WASL: variants seen among roughly 807,000 people sequenced by gnomAD.
The protein encoded by WASL is WASP like actin nucleation promoting factor.
In WASL, 20 loss-of-function variants were observed where a neutral mutation model predicts 55.5. The observed-to-expected ratio is 0.36, with a 90% CI of 0.25 to 0.52. The LOEUF (loss-of-function observed/expected upper bound fraction) is 0.52, where lower values mean the gene tolerates loss of function less well. Among genes scored for constraint, WASL ranks in the 20% least tolerant of loss-of-function variants. WASL has a pLI of 0.92. For synonymous variants in WASL, 249 were observed against 217.6 expected, an observed-to-expected ratio of 1.14 and a Z score of -1.27; for missense variants, 504 against 622.5, an observed-to-expected ratio of 0.81 and a Z score of 2.03.
At chr7:123,747,641 T>TGCTA (rs1297462841) in intron 1 of WASL, among the ~76,000 whole-genome samples, 2 of 152,078 alleles carry the variant, frequency 1.3e-5, no homozygotes, top group Non-Finnish European at 2.9e-5. Flanking sequence ...ACTCTGCAGG[T>TGCTA]GCTAGCAAAG....
chr7:123,691,873 T>C (rs572207447), intron 9 of WASL, among the ~76,000 whole-genome samples: 11 of 152,322 alleles, frequency 7.2e-5, no homozygotes, highest in African/African-American at 2.6e-4. Flanking sequence ...TTTCCTAAGG[T>C]GATCACAATT....
chr7:123,709,177 C>G lies in WASL; in HGVS notation c.164G>C (p.Cys55Ser). Residue 55 changes from cysteine to serine, a missense_variant, in exon 2 of 11, where the codon TGT becomes TCT. Physicochemically the swap from Cys to Ser is moderately radical, Grantham distance 112. Transcript: ENST00000223023. ...VVQLYAADRN[C>S]MWSKKCSGVA... is the part of the protein sequence containing the mutation. ...ACCACTGCACTTCTTTGACCACATA[C>G]AGTTCCGATCTGCTGCATATAACTG... 1 of 1,612,638 alleles carries G rather than the reference C, an allele frequency of 6.2e-7. No homozygotes were observed. The highest frequency in any genetic ancestry group is 8.5e-7 in the Non-Finnish European group (1 of 1,179,072).
At chr7:123,715,640 C>G (rs117948352) in intron 1 of WASL, among the ~76,000 whole-genome samples, 1,840 of 152,230 alleles carry the variant, frequency 0.012, 14 homozygotes, top group Non-Finnish European at 0.019. Flanking sequence ...TATCAGTGCA[C>G]ATTCCTGTTT....
At chr7:123,706,481 T>C in intron 3 of WASL, 108 bp from the exon 4 acceptor site, 1 of 1,040,908 alleles carries the variant, frequency 9.6e-7, no homozygotes. Flanking sequence ...GAAAGGTTAA[T>C]TTTACTAGCA....
At chr7:123,732,951 GATACAGTAAAAGC>G (rs1405869786) in intron 1 of WASL, among the ~76,000 whole-genome samples, 3 of 152,024 alleles carry the variant, frequency 2.0e-5, no homozygotes, top group Non-Finnish European at 2.9e-5. Context: ...CATATGAACA[GATACAGTAAAAGC>G]ATACTCATTC....
chr7:123,732,182 T>C (rs746636627), intron 1 of WASL, among the ~76,000 whole-genome samples: 1 of 151,802 alleles, frequency 6.6e-6, no homozygotes, highest in Non-Finnish European at 1.5e-5. Flanking sequence ...AAAAAAAAAT[T>C]AGCCGGGTGT....
intron 6 of WASL, 134 bp downstream of exon 6, chr7:123,696,445 G>T: frequency 2.8e-6 from 2 of 706,334 alleles, no homozygotes; most frequent in Non-Finnish European, 2.0e-6. Context: ...AAAGTACATA[G>T]TTAAAACGGT....
intron 10 of WASL, among the ~76,000 whole-genome samples, chr7:123,688,069 C>T (rs981912153): frequency 6.6e-6 from 1 of 152,136 alleles, no homozygotes; most frequent in African/African-American, 2.4e-5. Context: ...AGATCTGATT[C>T]TAGCACATCA....
At position 123,722,092 on chromosome 7, in the gene WASL, T is replaced by A. The variant is rs182469480; in HGVS notation, c.118-12869A>T. Among the ~76,000 whole-genome samples, 12 of 151,904 alleles carry A rather than the reference T, an allele frequency of 7.9e-5. No homozygotes were observed. The East Asian group carries it at 2.1e-3, about 27-fold the overall frequency. ...TCTGGAGCTGTACTGTTTAATAAGG[T>A]CACCACTAGCCACAATGGCTATTCA... On this transcript the variant is annotated intron_variant, in intron 1 of 10. Coordinates refer to ENST00000223023, the MANE Select transcript of WASL (RefSeq NM_003941.4).
At chr7:123,741,820 A>G (rs1033413079) in intron 1 of WASL, among the ~76,000 whole-genome samples, 1 of 152,198 alleles carries the variant, frequency 6.6e-6, no homozygotes, top group South Asian at 2.1e-4. Context: ...GGAATTGCTC[A>G]GCAGCAAAAC....
intron 10 of WASL, among the ~76,000 whole-genome samples, chr7:123,685,069 A>T (rs1803265199): frequency 6.6e-6 from 1 of 151,968 alleles, no homozygotes; most frequent in East Asian, 1.9e-4. Flanking sequence ...TCACGATCCA[A>T]TTATCAAGCC....
intron 1 of WASL, among the ~76,000 whole-genome samples, chr7:123,728,852 ACT>A (rs1206699927): frequency 1.6e-4 from 25 of 152,044 alleles, no homozygotes; most frequent in South Asian, 1.2e-3. Flanking sequence ...TCGTCTGGAG[ACT>A]CTGTCTCAAA....
chr7:123,694,756 G>GA lies in WASL; in HGVS notation c.784_785insT (p.Thr262IlefsTer5), dbSNP rs1230401383. 6.2e-7 allele frequency: 1 copy of GA among 1,612,956 alleles called. No homozygotes were observed. Among genetic ancestry groups the GA allele is most frequent in the Non-Finnish European group, 8.5e-7 (1 of 1,179,506 alleles). On this transcript the variant is annotated frameshift_variant, in exon 8 of 11. Transcript: ENST00000223023. LOFTEE classifies it high-confidence loss of function. ...ATTTTTAACAGCTTCAACACCTCCT[G>GA]TTTTTTCAATAAAGTCATATATAAC...
chr7:123,705,300 A>G (rs1325212151), intron 4 of WASL, among the ~76,000 whole-genome samples: 1 of 152,174 alleles, frequency 6.6e-6, no homozygotes, highest in African/African-American at 2.4e-5. Context: ...GATGGAACAA[A>G]TGCCTTTTAC....
chr7:123,700,864 A>T (rs1803578170), intron 5 of WASL, among the ~76,000 whole-genome samples: 2 of 152,238 alleles, frequency 1.3e-5, no homozygotes, highest in Admixed American at 1.3e-4. Flanking sequence ...TCTGTGGTCC[A>T]ACAAGTCATT....
chr7:123,689,230 G>T, intron 9 of WASL, 80 bp from the exon 10 acceptor site: 1 of 1,134,054 alleles, frequency 8.8e-7, no homozygotes, highest in Non-Finnish European at 1.3e-6. Flanking sequence ...TACTTTCTTA[G>T]AATCACTTCT....
At position 123,732,152 on chromosome 7, in the gene WASL, C is replaced by T. The variant is rs957620329; in HGVS notation, c.117+16466G>A. Among the ~76,000 whole-genome samples the T allele has an allele frequency of 5.3e-5, 8 of 151,994 alleles. No individual in the cohort carries two copies. The East Asian group carries it at 1.5e-3, about 29-fold the overall frequency. On this transcript the variant is annotated intron_variant, in intron 1 of 10. Coordinates refer to ENST00000223023, the MANE Select transcript of WASL (RefSeq NM_003941.4). ...ACCATCCTGGCTAACATGGTGAAAC[C>T]CCGTCTCTACTAAAAATACAAAAAA...
chr7:123,708,994 A>G, intron 2 of WASL, 95 bp downstream of exon 2: 1 of 1,163,892 alleles, frequency 8.6e-7, no homozygotes, highest in Non-Finnish European at 1.1e-6. Context: ...TATAAATTTA[A>G]ATATCACATA....
intron 1 of WASL, among the ~76,000 whole-genome samples, chr7:123,718,414 T>C (rs1803881312): frequency 6.6e-6 from 1 of 152,192 alleles, no homozygotes; most frequent in Admixed American, 6.5e-5. Context: ...AAACAACTTT[T>C]GAACATATAG....
Sources: allele counts gnomAD v4.1 joint callset (sites outside exome capture counted in the v4.1 genomes callset), GRCh38; gene constraint gnomAD v4.1.1; transcripts MANE v1.5; gene names NCBI Gene and HGNC (gene_info 2026-07-23, HGNC 2026-07-21).